The following GRIN2B variants were observed in gnomAD, a reference collection of about 807,000 sequenced individuals.
GRIN2B encodes the protein glutamate receptor ionotropic, NMDA 2B.
A neutral mutation model predicts 114.5 loss-of-function variants in GRIN2B; 5 were observed. The ratio of observed to expected loss-of-function variants is 0.04; its 90% CI spans 0.02 to 0.09. The LOEUF is 0.09. Ranked by LOEUF, GRIN2B falls within the 10% of genes least tolerant of loss-of-function variation. The pLI is 1.00. For synonymous variants in GRIN2B, 787 were observed against 745.1 expected, an observed-to-expected ratio of 1.06 and a Z score of -0.92; for missense variants, 1,108 against 1,943.5, an observed-to-expected ratio of 0.57 and a Z score of 8.08.
chr12:13,675,429 C>T (rs942934380), intron 5 of GRIN2B, among the ~76,000 whole-genome samples: 1 of 152,158 alleles, frequency 6.6e-6, no homozygotes, highest in Non-Finnish European at 1.5e-5. Context: ...AACTATACCA[C>T]TAATTCAGTT....
intron 10 of GRIN2B, among the ~76,000 whole-genome samples, chr12:13,607,383 T>TATATATTATATATAATATATAA (rs1565473796): frequency 5.5e-5 from 3 of 54,680 alleles, no homozygotes; most frequent in African/African-American, 9.4e-5. Context: ...ATTATATATA[T>TATATATTATATATAATATATAA]AATATATATT....
chr12:13,970,828 T>C (rs1019705655), intron 2 of GRIN2B, among the ~76,000 whole-genome samples: 2 of 152,146 alleles, frequency 1.3e-5, no homozygotes, highest in Non-Finnish European at 2.9e-5. Flanking sequence ...GAATTTCTTC[T>C]GCAGTCCTTC....
intron 2 of GRIN2B, among the ~76,000 whole-genome samples, chr12:13,875,825 G>A (rs927338793): frequency 6.6e-6 from 1 of 152,214 alleles, no homozygotes; most frequent in African/African-American, 2.4e-5. Context: ...CAGAATCACT[G>A]TGAAGATCGA....
At chr12:13,655,079 G>A (rs1385839511) in intron 5 of GRIN2B, among the ~76,000 whole-genome samples, 3 of 152,098 alleles carry the variant, frequency 2.0e-5, no homozygotes, top group Non-Finnish European at 1.5e-5. Context: ...CCTGAGTTGG[G>A]CCAGTGTAAC....
At chr12:13,922,995 G>GA (rs1245197166) in intron 2 of GRIN2B, among the ~76,000 whole-genome samples, 3 of 151,526 alleles carry the variant, frequency 2.0e-5, no homozygotes, top group African/African-American at 2.4e-5. Flanking sequence ...TATCTCTGAG[G>GA]AAAAAAAATA....
chr12:13,913,635 T>G (rs942813683), intron 2 of GRIN2B, among the ~76,000 whole-genome samples: 6 of 152,226 alleles, frequency 3.9e-5, no homozygotes, highest in African/African-American at 1.4e-4. Flanking sequence ...GAGATGTTGC[T>G]GAATTGTTGT....
intron 2 of GRIN2B, among the ~76,000 whole-genome samples, chr12:13,921,536 G>A (rs1866823722): frequency 6.6e-6 from 1 of 152,244 alleles, no homozygotes; most frequent in Middle Eastern, 3.4e-3. Flanking sequence ...GTAATTTCGA[G>A]TATCTTGATG....
chr12:13,967,293 C>G (rs1867805078), intron 2 of GRIN2B, among the ~76,000 whole-genome samples: 3 of 152,170 alleles, frequency 2.0e-5, no homozygotes, highest in Admixed American at 2.0e-4. Context: ...TATGTAGAAC[C>G]AGACACACAG....
intron 2 of GRIN2B, among the ~76,000 whole-genome samples, chr12:13,905,212 A>C (rs890849183): frequency 2.6e-5 from 4 of 152,060 alleles, no homozygotes; most frequent in Non-Finnish European, 4.4e-5. Flanking sequence ...CACCACTCTG[A>C]TTATATGCAT....
intron 4 of GRIN2B, among the ~76,000 whole-genome samples, chr12:13,684,107 A>G (rs1265782011): frequency 1.3e-5 from 2 of 152,130 alleles, no homozygotes; most frequent in African/African-American, 2.4e-5. Flanking sequence ...TTTTGTTCTT[A>G]CTATGATTAG....
intron 3 of GRIN2B, among the ~76,000 whole-genome samples, chr12:13,847,148 C>T (rs887287917): frequency 6.6e-6 from 1 of 152,068 alleles, no homozygotes; most frequent in African/African-American, 2.4e-5. Flanking sequence ...AACTCTTTTT[C>T]AATTTTTAAA....
At chr12:13,958,990 A>G (rs1867645979) in intron 2 of GRIN2B, among the ~76,000 whole-genome samples, 1 of 152,170 alleles carries the variant, frequency 6.6e-6, no homozygotes, top group Non-Finnish European at 1.5e-5. Flanking sequence ...GGGGAAAGAA[A>G]CATACACATT....
chr12:13,588,128 G>C (rs1948956451), intron 10 of GRIN2B, among the ~76,000 whole-genome samples: 1 of 152,264 alleles, frequency 6.6e-6, no homozygotes, highest in South Asian at 2.1e-4. Flanking sequence ...CCTTTTCATG[G>C]TCTGAAATGT....
chr12:13,705,609 C>A (rs749069213), intron 4 of GRIN2B, among the ~76,000 whole-genome samples: 15 of 152,110 alleles, frequency 9.9e-5, no homozygotes, highest in Non-Finnish European at 1.9e-4. Context: ...CTGGCTGTAA[C>A]ACCAGTCATT....
chr12:13,876,052 G>A (rs374403228), intron 2 of GRIN2B, among the ~76,000 whole-genome samples: 1 of 152,184 alleles, frequency 6.6e-6, no homozygotes, highest in Non-Finnish European at 1.5e-5. Flanking sequence ...AGCTAAGGAC[G>A]AACAGATAAG....
At chr12:13,738,611 T>C (rs1863224626) in intron 4 of GRIN2B, among the ~76,000 whole-genome samples, 1 of 152,094 alleles carries the variant, frequency 6.6e-6, no homozygotes, top group African/African-American at 2.4e-5. Context: ...ATAGCACCAG[T>C]GGAAATCACA....
chr12:13,804,808 G>T (rs1864574395), intron 3 of GRIN2B, among the ~76,000 whole-genome samples: 1 of 152,028 alleles, frequency 6.6e-6, no homozygotes, highest in Non-Finnish European at 1.5e-5. Flanking sequence ...CCCATAATAG[G>T]CACTTACTAA....
chr12:13,855,350 G>C (rs1055355454), intron 3 of GRIN2B, among the ~76,000 whole-genome samples: 1 of 152,208 alleles, frequency 6.6e-6, no homozygotes, highest in Non-Finnish European at 1.5e-5. Context: ...AGGTCACACA[G>C]TAAGTGGTGA....
At chr12:13,947,644 A>G (rs1184025108) in intron 2 of GRIN2B, among the ~76,000 whole-genome samples, 1 of 152,208 alleles carries the variant, frequency 6.6e-6, no homozygotes, top group Non-Finnish European at 1.5e-5. Context: ...TAGATTTTCA[A>G]TAATCTGTTC....
Sources: gnomAD v4.1 joint callset for allele counts (sites outside exome capture counted in the v4.1 genomes callset) on GRCh38, gnomAD v4.1.1 for gene constraint, MANE v1.5 for transcripts, NCBI Gene and HGNC (gene_info 2026-07-23, HGNC 2026-07-21) for gene names.